Variants in TECPR2 observed in about 807,000 individuals in gnomAD.
The protein encoded by TECPR2 is tectonin beta-propeller repeat containing 2.
Under a neutral mutation model 138.1 loss-of-function variants are expected in TECPR2, and 65 were observed. That is an observed-to-expected ratio of 0.47 (90% CI 0.39 to 0.58). The LOEUF is 0.58. Ranked by LOEUF, TECPR2 falls within the 20% of genes least tolerant of loss-of-function variation. The pLI, the probability that TECPR2 is intolerant of heterozygous loss-of-function variation, is 0.00. For synonymous variants in TECPR2, 746 were observed against 749.8 expected, an observed-to-expected ratio of 0.99 and a Z score of 0.08; for missense variants, 1,553 against 1,824.5, an observed-to-expected ratio of 0.85 and a Z score of 2.71.
rs117855285 is a variant in TECPR2, at chr14:102,447,522, G to A, written c.3075+1575G>A. 7.6e-4 allele frequency among the ~76,000 whole-genome samples: 115 copies of A among 152,236 alleles called. 4 individuals are homozygous for A. The East Asian group carries it at 0.018, about 24-fold the overall frequency. ...AGGTAAGATTTCACTGATAGTCGATGGTCGTGAAATATTTGATGTTTCTTT... is the reference window on the plus strand; with the variant it reads ...AGGTAAGATTTCACTGATAGTCGATAGTCGTGAAATATTTGATGTTTCTTT... On this transcript the variant is annotated intron_variant, in intron 13 of 19. Transcript: ENST00000359520.
Position 102,498,434 on chromosome 14 carries a change from C to A in TECPR2, c.*177C>A. ...TTCTGTCTCGTTCCAGAACCCACAG[C>A]CTCCACCCGTGGCTGGCGTGATTGC... On this transcript the variant is annotated 3_prime_UTR_variant, in exon 20 of 20. Coordinates refer to ENST00000359520, the MANE Select transcript of TECPR2 (RefSeq NM_014844.5). 2 of 837,260 alleles carry A rather than the reference C, an allele frequency of 2.4e-6. No homozygotes were observed. Among genetic ancestry groups the A allele is most frequent in the South Asian group, 3.6e-5 (2 of 55,288 alleles). 51.9% of individuals were successfully genotyped at this position (837,260 alleles called of 1,614,324 possible). A position where few individuals can be genotyped will look rare whatever the true frequency, so the allele number is the denominator to read the frequency against.
chr14:102,430,092 G>A (rs1411652677), intron 7 of TECPR2, among the ~76,000 whole-genome samples: 1 of 151,806 alleles, frequency 6.6e-6, no homozygotes. Context: ...TTAGCCTCCC[G>A]AATAGCTGGG....
intron 4 of TECPR2, among the ~76,000 whole-genome samples, chr14:102,413,493 C>A (rs777292455): frequency 6.6e-6 from 1 of 151,744 alleles, no homozygotes; most frequent in Non-Finnish European, 1.5e-5. Flanking sequence ...ATTCTCCTGC[C>A]GCAGCCTCCC....
At chr14:102,411,682 T>A (rs1229749676) in intron 4 of TECPR2, among the ~76,000 whole-genome samples, 1 of 44,414 alleles carries the variant, frequency 2.3e-5, no homozygotes, top group Non-Finnish European at 3.8e-5. Context: ...CCAGGTGAAA[T>A]AAACAGCCAT....
chr14:102,482,127 C>T (rs1248557475), intron 17 of TECPR2, among the ~76,000 whole-genome samples: 1 of 151,926 alleles, frequency 6.6e-6, no homozygotes, highest in Non-Finnish European at 1.5e-5. Context: ...AATCTCTGCT[C>T]ACTGCAACCT....
Position 102,363,053 on chromosome 14 carries a change from C to T in TECPR2, c.-136C>T, listed in dbSNP as rs982614088. ...CAGGCTCCCGGCAGCCCCCGCGGCC[C>T]GGAGTCCATCCCGCCTCCTCCGGCC... is the stretch of plus-strand genomic sequence containing the variant. On this transcript the variant is annotated 5_prime_UTR_variant, in exon 1 of 20. Coordinates refer to ENST00000359520, the MANE Select transcript of TECPR2 (RefSeq NM_014844.5). 1 of 591,578 alleles carries T rather than the reference C, an allele frequency of 1.7e-6. No homozygotes were observed. The highest frequency in any genetic ancestry group is 3.6e-5 in the Admixed American group (1 of 27,892). 36.6% of individuals were successfully genotyped at this position (591,578 alleles called of 1,614,324 possible).
chr14:102,483,980 A>C (rs1240612900), intron 17 of TECPR2, among the ~76,000 whole-genome samples: 2 of 68,928 alleles, frequency 2.9e-5, no homozygotes, highest in Non-Finnish European at 2.8e-5. Context: ...TATTTTCAGT[A>C]GAGACAAGGT....
chr14:102,482,582 G>T (rs1334535170), intron 17 of TECPR2, among the ~76,000 whole-genome samples: 1 of 152,068 alleles, frequency 6.6e-6, no homozygotes, highest in Non-Finnish European at 1.5e-5. Context: ...CCTTTCTCCC[G>T]GATCCCGGGT....
intron 2 of TECPR2, among the ~76,000 whole-genome samples, chr14:102,404,485 G>A (rs1888594841): frequency 6.6e-6 from 1 of 151,572 alleles, no homozygotes; most frequent in African/African-American, 2.4e-5. Flanking sequence ...GAAGAAATAA[G>A]AAAAAGAAGA....
rs751851686 is a variant in TECPR2, at chr14:102,383,922, CT to C, written c.219+6997del. 7.2e-3 allele frequency among the ~76,000 whole-genome samples: 997 copies of C among 137,858 alleles called. 5 individuals carry two copies. The highest frequency in any genetic ancestry group is 0.019 in the African/African-American group (709 of 37,764). 90.4% of individuals were successfully genotyped at this position (137,858 alleles called of 152,430 possible). Reference sequence around the variant, plus strand: ...AGAATACCTAAGACTAGTAGTTGTTCTTTTTTTTTTTTTTTGAGATGGAGTT... The same window carrying C: ...AGAATACCTAAGACTAGTAGTTGTTCTTTTTTTTTTTTTTGAGATGGAGTT... On this transcript the variant is annotated intron_variant, in intron 2 of 19. Transcript: ENST00000359520.
At position 102,419,434 on chromosome 14, in the gene TECPR2, C is replaced by T. The variant is rs772486478; in HGVS notation, c.638+4641C>T. Among the ~76,000 whole-genome samples, 4 of 151,994 alleles carry T rather than the reference C, an allele frequency of 2.6e-5. No homozygotes were observed. The highest frequency in any genetic ancestry group is 4.8e-5 in the African/African-American group (2 of 41,340). On this transcript the variant is annotated intron_variant, in intron 5 of 19. Transcript: ENST00000359520. This position sits in a 1 kb window ranked among gnomAD's most constrained non-coding sequence, Gnocchi z 4.8. ...CTGGTGGGAGTTTTGGGAGAGGGGC[C>T]GTGTGGCAGCACATTGGTGTGTGAC...
intron 15 of TECPR2, 29 bp from the exon 16 acceptor site, chr14:102,452,365 T>C: frequency 1.3e-6 from 2 of 1,591,706 alleles, no homozygotes; most frequent in Non-Finnish European, 1.7e-6. Context: ...AGACAACACC[T>C]CGATGACAAA....
chr14:102,416,424 T>G (rs1019870989), intron 5 of TECPR2, among the ~76,000 whole-genome samples: 1 of 152,176 alleles, frequency 6.6e-6, no homozygotes, highest in Non-Finnish European at 1.5e-5. Flanking sequence ...TGCGGCCTGC[T>G]GAACACCTTC....
chr14:102,414,795 T>A lies in TECPR2; in HGVS notation c.638+2T>A. 6.2e-7 allele frequency: 1 copy of A among 1,613,952 alleles called. No individual in the cohort carries two copies. ...AATTGGAACACAACCAAGGAAAAGGTAAGTTTCACAAGTTTGCCAGTTTGG... is the reference window on the plus strand; with the variant it reads ...AATTGGAACACAACCAAGGAAAAGGAAAGTTTCACAAGTTTGCCAGTTTGG... On this transcript the variant is annotated splice_donor_variant, in intron 5 of 19. Coordinates refer to ENST00000359520, the MANE Select transcript of TECPR2 (RefSeq NM_014844.5). LOFTEE classifies it high-confidence loss of function.
chr14:102,481,305 C>T (rs148618725), intron 17 of TECPR2, among the ~76,000 whole-genome samples: 1 of 152,086 alleles, frequency 6.6e-6, no homozygotes, highest in Non-Finnish European at 1.5e-5. Flanking sequence ...TGCCCAGCCA[C>T]ACCCAGCTAA....
intron 16 of TECPR2, among the ~76,000 whole-genome samples, chr14:102,453,489 AAAAG>A (rs1412324345): frequency 6.6e-6 from 1 of 152,116 alleles, no homozygotes; most frequent in Non-Finnish European, 1.5e-5. Context: ...CAAAAAAAAA[AAAAG>A]AAGAAGAAAG....
rs762589716 is a variant in TECPR2, at chr14:102,450,609, A to G, written c.3366A>G (p.Lys1122=). ...VVPRGTASAT[K]WAFVLASAAP... ...CCCGTGGGACAGCTTCTGCTACAAA[A>G]TGGGCCTTTGTGTTGGCTTCTGCAG... Residue 1122 remains lysine (K), a synonymous_variant, in exon 15 of 20, where the codon AAA becomes AAG. Transcript: ENST00000359520. The G allele has an allele frequency of 3.7e-6, 6 of 1,614,200 alleles. No homozygotes were observed. In the South Asian group the frequency reaches 6.6e-5, roughly 18 times the overall value.
At chr14:102,447,661 G>C (rs1890021962) in intron 13 of TECPR2, among the ~76,000 whole-genome samples, 1 of 151,702 alleles carries the variant, frequency 6.6e-6, no homozygotes, top group Non-Finnish European at 1.5e-5. Flanking sequence ...CAGCCTCCTG[G>C]GTAGCTGGGA....
rs1891394939 is a variant in TECPR2, at chr14:102,499,761, T to TGGCCCA, written c.*1512_*1517dup. 6.2e-6 allele frequency: 1 copy of TGGCCCA among 160,078 alleles called. No individual in the cohort carries two copies. Among genetic ancestry groups the TGGCCCA allele is most frequent in the South Asian group, 1.8e-4 (1 of 5,554 alleles). The allele number at this position is 160,078 out of a possible 1,614,324, so 9.9% of individuals were successfully genotyped here. A position where few individuals can be genotyped will look rare whatever the true frequency, so the allele number is the denominator to read the frequency against. ...CTGGCTGCTTTTTTTAGCCTGCCCC[T>TGGCCCA]GGCCCAGGCCCAGTCCTTGGTGTCA... is the stretch of plus-strand genomic sequence containing the variant. On this transcript the variant is annotated 3_prime_UTR_variant, in exon 20 of 20. Transcript: ENST00000359520.
Sources: gnomAD v4.1 joint callset for allele counts (sites outside exome capture counted in the v4.1 genomes callset) on GRCh38, gnomAD v4.1.1 for gene constraint, Gnocchi (gnomAD v3.1) non-coding constraint, MANE v1.5 for transcripts, NCBI Gene and HGNC (gene_info 2026-07-23, HGNC 2026-07-21) for gene names.